TAF3: variants seen among roughly 807,000 people sequenced by gnomAD.
TAF3 encodes TATA-box binding protein associated factor 3, also known as transcription initiation factor TFIID subunit 3.
In TAF3, 7 loss-of-function variants were observed where a neutral mutation model predicts 80.6. That is an observed-to-expected ratio of 0.09 (90% CI 0.05 to 0.16). TAF3 has a LOEUF of 0.16. Among genes scored for constraint, TAF3 ranks in the 10% least tolerant of loss-of-function variants. TAF3 has a pLI of 1.00. For missense variants in TAF3, 921 were observed against 1,140.2 expected (o/e 0.81, Z 2.77); for synonymous variants, 444 against 446.1 (o/e 1.00, Z 0.06).
chr10:8,004,866 C>T (rs976249189), intron 4 of TAF3, among the ~76,000 whole-genome samples: 10 of 152,228 alleles, frequency 6.6e-5, no homozygotes, highest in East Asian at 1.9e-4. Context: ...TGTTAACATT[C>T]GTCTCTGCCC....
intron 6 of TAF3, 91 bp downstream of exon 6, chr10:8,013,928 T>C: frequency 1.8e-6 from 2 of 1,109,550 alleles, no homozygotes; most frequent in Non-Finnish European, 2.7e-6. Flanking sequence ...TTCCTGCCTT[T>C]GGACTGACCC....
At chr10:8,010,322 A>G (rs568634479) in intron 5 of TAF3, among the ~76,000 whole-genome samples, 1 of 152,278 alleles carries the variant, frequency 6.6e-6, no homozygotes, top group Non-Finnish European at 1.5e-5. Flanking sequence ...TTGTTTTTAT[A>G]TTGTTTTGGG....
chr10:7,839,704 AT>A (rs1836890847), intron 2 of TAF3, among the ~76,000 whole-genome samples: 2 of 151,358 alleles, frequency 1.3e-5, no homozygotes, highest in East Asian at 3.9e-4. Context: ...TTTTTTTTTA[AT>A]TGTGTTTTGT....
chr10:7,893,668 T>A (rs1252318516), intron 2 of TAF3, among the ~76,000 whole-genome samples: 1 of 152,196 alleles, frequency 6.6e-6, no homozygotes, highest in Non-Finnish European at 1.5e-5. Context: ...AGTTCCTTCT[T>A]ATCATCCCTT....
At chr10:7,847,633 C>G (rs1487509956) in intron 2 of TAF3, among the ~76,000 whole-genome samples, 2 of 152,178 alleles carry the variant, frequency 1.3e-5, no homozygotes, top group African/African-American at 2.4e-5. Flanking sequence ...TCTGTAGAGA[C>G]AGAGTCTTGC....
intron 2 of TAF3, among the ~76,000 whole-genome samples, chr10:7,826,104 G>A (rs2131099867): frequency 6.6e-6 from 1 of 152,242 alleles, no homozygotes; most frequent in Non-Finnish European, 1.5e-5. Context: ...GTGTGTCAGG[G>A]TTGCCTCATC....
chr10:7,947,562 A>G (rs1037434651), intron 2 of TAF3, among the ~76,000 whole-genome samples: 1 of 152,206 alleles, frequency 6.6e-6, no homozygotes, highest in African/African-American at 2.4e-5. Context: ...GAGGGGTGAC[A>G]TTAGAGAGCC....
intron 2 of TAF3, among the ~76,000 whole-genome samples, chr10:7,935,605 A>C (rs1332798563): frequency 6.6e-6 from 1 of 152,070 alleles, no homozygotes; most frequent in Non-Finnish European, 1.5e-5. Context: ...TAAATAAAGC[A>C]AGCAAGCTAA....
At chr10:7,970,477 G>A (rs1831612067) in intron 3 of TAF3, among the ~76,000 whole-genome samples, 2 of 152,212 alleles carry the variant, frequency 1.3e-5, no homozygotes, top group Non-Finnish European at 2.9e-5. Context: ...TCTGCCCGAG[G>A]CCTGTGTTGT....
chr10:7,888,959 C>A (rs1837435108), intron 2 of TAF3, among the ~76,000 whole-genome samples: 1 of 152,196 alleles, frequency 6.6e-6, no homozygotes, highest in African/African-American at 2.4e-5. Flanking sequence ...GTGATTGCAG[C>A]ATAGGCTATA....
chr10:7,945,248 G>A (rs1483517967), intron 2 of TAF3, among the ~76,000 whole-genome samples: 1 of 152,130 alleles, frequency 6.6e-6, no homozygotes, highest in African/African-American at 2.4e-5. Context: ...TGCTAATCCT[G>A]TTTGCCTAGT....
intron 2 of TAF3, among the ~76,000 whole-genome samples, chr10:7,933,974 C>T (rs1435747171): frequency 6.6e-6 from 1 of 152,194 alleles, no homozygotes; most frequent in Admixed American, 6.5e-5. Flanking sequence ...TGCACACATG[C>T]ACCGAAACCT....
At chr10:8,000,412 C>T (rs1321636489) in intron 4 of TAF3, among the ~76,000 whole-genome samples, 2 of 152,070 alleles carry the variant, frequency 1.3e-5, no homozygotes, top group African/African-American at 2.4e-5. Flanking sequence ...CCACTGCACC[C>T]GGCCTTTTTC....
In TAF3 at chr10:7,822,488, G is replaced by GAA. The variant is rs34397533; in HGVS notation, c.167-1821_167-1820dup. 1.7e-4 allele frequency among the ~76,000 whole-genome samples: 26 copies of GAA among 149,720 alleles called. No homozygotes were observed. The East Asian group carries it at 2.2e-3, about 12-fold the overall frequency. On this transcript the variant is annotated intron_variant, in intron 1 of 6. Coordinates refer to ENST00000344293, the MANE Select transcript of TAF3 (RefSeq NM_031923.4). ...ATCACAGAAGTAACCCATACTTATA[G>GAA]AAAAAAAAAATCAAAGACTGCAGAA...
intron 2 of TAF3, among the ~76,000 whole-genome samples, chr10:7,877,192 A>C (rs1477963375): frequency 1.3e-5 from 2 of 152,144 alleles, no homozygotes; most frequent in Non-Finnish European, 2.9e-5. Context: ...AAGTGAGAAA[A>C]TTGTCAGTCT....
intron 4 of TAF3, among the ~76,000 whole-genome samples, chr10:8,006,065 T>C (rs1396110512): frequency 6.6e-6 from 1 of 152,090 alleles, no homozygotes; most frequent in Non-Finnish European, 1.5e-5. Context: ...CACCGTGGCT[T>C]ACGCCTGTAA....
chr10:8,011,719 A>G (rs777121905), intron 5 of TAF3, among the ~76,000 whole-genome samples: 8 of 152,222 alleles, frequency 5.3e-5, no homozygotes, highest in Non-Finnish European at 1.2e-4. Flanking sequence ...AAGATTTTGT[A>G]CTTAACCTCC....
intron 2 of TAF3, among the ~76,000 whole-genome samples, chr10:7,837,139 A>G (rs977222400): frequency 2.0e-5 from 3 of 152,098 alleles, no homozygotes; most frequent in African/African-American, 7.2e-5. Context: ...AAGGTGGGCA[A>G]ATTGCTTGAA....
intron 2 of TAF3, among the ~76,000 whole-genome samples, chr10:7,902,824 C>G (rs1306106531): frequency 6.6e-6 from 1 of 151,896 alleles, no homozygotes. Context: ...TCTATCACTT[C>G]TGTATTGAAA....
Sources: allele counts gnomAD v4.1 joint callset (sites outside exome capture counted in the v4.1 genomes callset), GRCh38; gene constraint gnomAD v4.1.1; transcripts MANE v1.5; gene names NCBI Gene and HGNC (gene_info 2026-07-23, HGNC 2026-07-21).